Variants in CC2D1B observed in about 807,000 individuals in gnomAD.
CC2D1B encodes coiled-coil and C2 domain containing 1B.
Under a neutral mutation model 110.8 loss-of-function variants are expected in CC2D1B, and 92 were observed. The observed-to-expected ratio is 0.83, with a 90% confidence interval of 0.70 to 0.99. The LOEUF is 0.99. Ranked by LOEUF, CC2D1B falls within the 50% of genes least tolerant of loss-of-function variation. CC2D1B has a pLI of 0.00. For synonymous variants in CC2D1B, 406 were observed against 429.2 expected, an observed-to-expected ratio of 0.95 and a Z score of 0.67; for missense variants, 1,136 against 1,089.0, an observed-to-expected ratio of 1.04 and a Z score of -0.61.
At chr1:52,363,238 G>A (rs1197102913) in intron 2 of CC2D1B, among the ~76,000 whole-genome samples, 2 of 151,686 alleles carry the variant, frequency 1.3e-5, no homozygotes, top group South Asian at 2.1e-4. Context: ...ACTAAAAAAT[G>A]CAAAAAATTA....
Position 52,356,280 on chromosome 1 carries a change from G to T in CC2D1B, c.1960C>A (p.Arg654Ser), listed in dbSNP as rs79051491. The T allele has an allele frequency of 1.7e-5, 27 of 1,614,044 alleles. No individual in the cohort carries two copies. Among genetic ancestry groups the T allele is most frequent in the Non-Finnish European group, 2.2e-5 (26 of 1,180,024 alleles). Reference sequence around the variant, plus strand: ...TGCAGGATCTCCAGCTGTTTCTTGCGGTCCTGAGCAAGCTTCTCAAATCTG... The same window carrying T: ...TGCAGGATCTCCAGCTGTTTCTTGCTGTCCTGAGCAAGCTTCTCAAATCTG... ...TTRFEKLAQD[R>S]KKQLEILQLA... Residue 654 changes from arginine to serine, a missense_variant, in exon 18 of 25, where the codon CGC (arginine) becomes AGC (serine). Coordinates refer to ENST00000284376, the MANE Select transcript of CC2D1B (RefSeq NM_001330585.2).
chr1:52,363,408 AAAAAG>A (rs913457030), intron 2 of CC2D1B, among the ~76,000 whole-genome samples: 3 of 151,978 alleles, frequency 2.0e-5, no homozygotes, highest in African/African-American at 7.2e-5. Context: ...AAAAAAAAAA[AAAAAG>A]AAGGTCCTAT....
At chr1:52,360,356 G>A (rs1415142708) in intron 6 of CC2D1B, 68 bp downstream of exon 6, 2 of 1,597,486 alleles carry the variant, frequency 1.3e-6, no homozygotes, top group East Asian at 2.2e-5. Context: ...CTCCACTGGT[G>A]CGATCTCCAC....
intron 13 of CC2D1B, 108 bp from the exon 14 acceptor site, chr1:52,358,006 C>T: frequency 1.4e-6 from 2 of 1,443,324 alleles, no homozygotes; most frequent in Non-Finnish European, 1.9e-6. Flanking sequence ...CGCTGTGTGA[C>T]CTGAGATGGG....
chr1:52,357,465 C>A, intron 15 of CC2D1B, 61 bp downstream of exon 15: 2 of 1,509,404 alleles, frequency 1.3e-6, no homozygotes, highest in South Asian at 2.5e-5. Flanking sequence ...CACAGCCTGT[C>A]AAGCCTGCCA....
chr1:52,363,514 A>G (rs1646827164), intron 2 of CC2D1B, among the ~76,000 whole-genome samples: 1 of 152,210 alleles, frequency 6.6e-6, no homozygotes, highest in African/African-American at 2.4e-5. Context: ...GACATTCACA[A>G]TATCCTGCTA....
Position 52,357,149 on chromosome 1 carries a change from C to T in CC2D1B, c.1753-23G>A, listed in dbSNP as rs776454193. On this transcript the variant is annotated intron_variant, in intron 15 of 24. Coordinates refer to ENST00000284376, the MANE Select transcript of CC2D1B (RefSeq NM_001330585.2). ...CACCTACCCAGGTCACAAGGCCCCT[C>T]GGGCCCCAAGAGTCAGATTACTCCT... 4.3e-6 allele frequency: 7 copies of T among 1,613,216 alleles called. No homozygotes were observed. In the Admixed American group the frequency reaches 6.7e-5, roughly 15 times the overall value.
rs1428855363 is a variant in CC2D1B, at chr1:52,357,864, T to G, written c.1496A>C (p.Lys499Thr). ...EPPAQAPVAK[K>T]PARPTVPSSQ... ...TGAAGGGACTGTGGGCCGTGCAGGT[T>G]TCTTGGCCACTGGGGCCTGTGCTGG... Residue 499 changes from lysine to threonine, a missense_variant, in exon 14 of 25, where the codon AAA becomes ACA. By Grantham distance (78) the Lys-to-Thr change is moderately conservative (BLOSUM62 -1). Coordinates refer to ENST00000284376, the MANE Select transcript of CC2D1B (RefSeq NM_001330585.2). The G allele has an allele frequency of 1.9e-6, 3 of 1,583,760 alleles. No individual in the cohort carries two copies. Among genetic ancestry groups the G allele is most frequent in the Non-Finnish European group, 2.6e-6 (3 of 1,167,334 alleles).
intron 2 of CC2D1B, among the ~76,000 whole-genome samples, chr1:52,363,288 G>A (rs1338132919): frequency 2.0e-5 from 3 of 151,910 alleles, no homozygotes; most frequent in East Asian, 1.9e-4. Flanking sequence ...CCAGCTACTC[G>A]GGAGGCTGAG....
chr1:52,358,132 C>CTCTGGGT, intron 13 of CC2D1B, 199 bp downstream of exon 13: 1 of 921,190 alleles, frequency 1.1e-6, no homozygotes, highest in Non-Finnish European at 1.6e-6. Flanking sequence ...GGAGCCGGGG[C>CTCTGGGT]TCTGGGTTCA....
rs575203068 is a variant in CC2D1B at position 52,362,630 on chromosome 1, T to C, written c.186A>G (p.Thr62=). The change falls in exon 3 of 25, where the codon ACA becomes ACG. Residue 62 remains threonine, a synonymous_variant. Transcript: ENST00000284376. ...GCCCCTTGGGTGCTGGCTTCTTGCC[T>C]GTGGTTTGTGCTTCCCCTGTGAGAG... ...LLALTGEAQT[T]GKKPAPKGQA... is the part of the protein sequence containing the mutation. 6 of 1,614,084 alleles carry C rather than the reference T, an allele frequency of 3.7e-6. No individual in the cohort carries two copies. The highest frequency in any genetic ancestry group is 5.1e-6 in the Non-Finnish European group (6 of 1,180,042).
Position 52,358,388 on chromosome 1 carries a change from A to G in CC2D1B, c.1404T>C (p.Ala468=). The G allele has an allele frequency of 6.2e-7, 1 of 1,614,028 alleles. No individual in the cohort carries two copies. Among genetic ancestry groups the G allele is most frequent in the East Asian group, 2.2e-5 (1 of 44,888 alleles). ...CCTCTGCAGAGGCCAGTTTCTCTGC[A>G]GCTGCCAATGTCGCTGCCACTGCGT... The part of the protein sequence containing the change: ...EEDAVAATLA[A]AEKLASAEDS... Residue 468 remains alanine, a synonymous_variant, in exon 13 of 25, where the codon GCT becomes GCC. Transcript: ENST00000284376.
rs1372765237 is a variant in CC2D1B at position 52,354,883 on chromosome 1, C to A, written c.2296G>T (p.Val766Leu). Residue 766 changes from valine (V) to leucine (L), a missense_variant, in exon 22 of 25, where the codon GTG becomes TTG. Coordinates refer to ENST00000284376, the MANE Select transcript of CC2D1B (RefSeq NM_001330585.2). ...INRNHRGFKR[V>L]IQSKGIKFEI... The stretch of plus-strand genomic sequence containing the variant: ...AACTTGATGCCTTTGCTCTGGATCA[C>A]CCTCTTGAAGCCCCGGTGGTTTCGG... 1 of 1,614,216 alleles carries A rather than the reference C, an allele frequency of 6.2e-7. No individual in the cohort carries two copies. The highest frequency in any genetic ancestry group is 1.1e-5 in the South Asian group (1 of 91,088).
Position 52,359,281 on chromosome 1 carries a change from T to C in CC2D1B, c.1095A>G (p.Pro365=). Residue 365 remains proline (P), a synonymous_variant, in exon 10 of 25, where the codon CCA becomes CCG. Coordinates refer to ENST00000284376, the MANE Select transcript of CC2D1B (RefSeq NM_001330585.2). ...VIPPAVERVQ[P]VMAPDVPATP... ...TTGCTGGGACGTCAGGGGCCATCAC[T>C]GGCTGCACTCGCTCCACGGCTGGGG... 6.2e-7 allele frequency: 1 copy of C among 1,613,126 alleles called. No homozygotes were observed. Among genetic ancestry groups the C allele is most frequent in the East Asian group, 2.2e-5 (1 of 44,830 alleles).
Position 52,353,186 on chromosome 1 carries a change from AG to A in CC2D1B, c.*38del. On this transcript the variant is annotated 3_prime_UTR_variant, in exon 25 of 25. Transcript: ENST00000284376. ...AAGCTGGGAAAGTCATCTCCTGCAC[AG>A]TCGCGGCCTGACTCCTCTCCTGGTG... The A allele has an allele frequency of 7.5e-7, 1 of 1,327,844 alleles. No individual in the cohort carries two copies. The highest frequency in any genetic ancestry group is 1.0e-6 in the Non-Finnish European group (1 of 1,004,904). The allele number at this position is 1,327,844 out of a possible 1,614,324, so 82.3% of individuals were successfully genotyped here. A position where few individuals can be genotyped will look rare whatever the true frequency, so the allele number is the denominator to read the frequency against.
In CC2D1B at chr1:52,359,849, G is replaced by A. The variant is rs1241346696; in HGVS notation, c.798C>T (p.Gly266=). The A allele has an allele frequency of 6.2e-7, 1 of 1,612,194 alleles. No homozygotes were observed. The highest frequency in any genetic ancestry group is 1.3e-5 in the African/African-American group (1 of 74,914). ...NPSQPETSLP[G]ISAQPVSDLD... Reference sequence around the variant, plus strand: ...AGTCTGAAACGGGCTGGGCAGAAATGCCAGGGAGGCTGGTCTCAGGTTGGG... The same window carrying A: ...AGTCTGAAACGGGCTGGGCAGAAATACCAGGGAGGCTGGTCTCAGGTTGGG... The change falls in exon 8 of 25, where the codon GGC becomes GGT. Residue 266 remains glycine (G), a synonymous_variant. Coordinates refer to ENST00000284376, the MANE Select transcript of CC2D1B (RefSeq NM_001330585.2).
At position 52,356,983 on chromosome 1, in the gene CC2D1B, G is replaced by A. The variant is rs2147891342; in HGVS notation, c.1878+18C>T. The A allele has an allele frequency of 1.3e-6, 2 of 1,549,386 alleles. No individual in the cohort carries two copies. The highest frequency in any genetic ancestry group is 1.7e-6 in the Non-Finnish European group (2 of 1,146,248). On this transcript the variant is annotated intron_variant, in intron 16 of 24. Transcript: ENST00000284376. ...GCTGTGGGCACAGAGGGGAGGAACA[G>A]ACGAGGGGCCTGCTGACCTCTTGTT... is the stretch of plus-strand genomic sequence containing the variant.
Position 52,359,537 on chromosome 1 carries a change from G to A in CC2D1B, c.943-3C>T. Reference sequence around the variant, plus strand: ...GCCTCCAGGACAGCACCGAATCTCTGCAGAAGTTGGAAAAGCAGGTGTGGG... The same window carrying A: ...GCCTCCAGGACAGCACCGAATCTCTACAGAAGTTGGAAAAGCAGGTGTGGG... On this transcript the variant is annotated splice_region_variant and splice_polypyrimidine_tract_variant and intron_variant, in intron 8 of 24. Transcript: ENST00000284376. The A allele has an allele frequency of 1.1e-5, 17 of 1,613,384 alleles. No individual in the cohort carries two copies. The highest frequency in any genetic ancestry group is 1.4e-5 in the Non-Finnish European group (17 of 1,179,762).
intron 16 of CC2D1B, 189 bp from the exon 17 acceptor site, chr1:52,356,631 C>T (rs1646659118): frequency 4.6e-6 from 3 of 646,346 alleles, no homozygotes; most frequent in Non-Finnish European, 7.9e-6. Context: ...GTCATTTTCT[C>T]TTCTGAGGAG....
Sources: allele counts gnomAD v4.1 joint callset (sites outside exome capture counted in the v4.1 genomes callset), GRCh38; gene constraint gnomAD v4.1.1; transcripts MANE v1.5; gene names NCBI Gene and HGNC (gene_info 2026-07-23, HGNC 2026-07-21).